The following BRINP1 variants were observed in gnomAD, a reference collection of about 807,000 sequenced individuals.
The protein encoded by BRINP1 is BMP/retinoic acid-inducible neural-specific protein 1.
Under a neutral mutation model 72.9 loss-of-function variants are expected in BRINP1, and 17 were observed. That is an observed-to-expected ratio of 0.23 (90% CI 0.16 to 0.35). The LOEUF (loss-of-function observed/expected upper bound fraction) is 0.35, where lower values mean the gene tolerates loss of function less well. BRINP1 is among the 10% of genes least tolerant of loss of function. BRINP1 has a pLI of 1.00. For synonymous variants in BRINP1, 418 were observed against 378.5 expected, an observed-to-expected ratio of 1.10 and a Z score of -1.21; for missense variants, 850 against 1,001.6, an observed-to-expected ratio of 0.85 and a Z score of 2.04.
chr9:119,257,973 G>A (rs1588180477), intron 2 of BRINP1, among the ~76,000 whole-genome samples: 1 of 152,042 alleles, frequency 6.6e-6, no homozygotes, highest in East Asian at 1.9e-4. Flanking sequence ...GAGGGGTGAA[G>A]TGAGGAAAAG....
intron 6 of BRINP1, among the ~76,000 whole-genome samples, chr9:119,213,224 C>T (rs1319241742): frequency 1.3e-5 from 2 of 152,160 alleles, no homozygotes; most frequent in Non-Finnish European, 2.9e-5. Flanking sequence ...TTTTTACAGA[C>T]GTATCCTTGA....
chr9:119,248,206 C>T (rs772011629), intron 3 of BRINP1, among the ~76,000 whole-genome samples: 6 of 152,184 alleles, frequency 3.9e-5, no homozygotes, highest in Non-Finnish European at 5.9e-5. Context: ...ATGCAGCCGG[C>T]GACTTTGTGA....
At position 119,166,930 on chromosome 9, in the gene BRINP1, G is replaced by T; in HGVS notation, c.*154C>A. The T allele has an allele frequency of 3.7e-6, 3 of 813,918 alleles. No individual in the cohort carries two copies. Among genetic ancestry groups the T allele is most frequent in the Non-Finnish European group, 5.8e-6 (3 of 519,130 alleles). The allele number at this position is 813,918 out of a possible 1,614,324, so 50.4% of individuals were successfully genotyped here. On this transcript the variant is annotated 3_prime_UTR_variant, in exon 8 of 8. Coordinates refer to ENST00000265922, the MANE Select transcript of BRINP1 (RefSeq NM_014618.3). ...AACGCTTTTATACAGTTGCTAGAAC[G>T]TTTTCATTTCCAACAAATGAAGATT...
chr9:119,196,103 T>C (rs769515149), intron 7 of BRINP1, among the ~76,000 whole-genome samples: 2 of 152,222 alleles, frequency 1.3e-5, no homozygotes, highest in Non-Finnish European at 2.9e-5. Context: ...GGGGAACTCA[T>C]TTTTGCTTAG....
intron 2 of BRINP1, among the ~76,000 whole-genome samples, chr9:119,301,396 G>C (rs1417716553): frequency 1.3e-5 from 2 of 152,128 alleles, no homozygotes; most frequent in African/African-American, 4.8e-5. Flanking sequence ...CAAATACTGA[G>C]TCTTCTGTCT....
chr9:119,211,301 G>A (rs965783829), intron 6 of BRINP1, among the ~76,000 whole-genome samples: 1 of 152,096 alleles, frequency 6.6e-6, no homozygotes, highest in Non-Finnish European at 1.5e-5. Flanking sequence ...AGGTTCAAGC[G>A]ATTCTCCTGC....
At chr9:119,283,556 T>C (rs939192551) in intron 2 of BRINP1, among the ~76,000 whole-genome samples, 2 of 152,110 alleles carry the variant, frequency 1.3e-5, no homozygotes, top group African/African-American at 4.8e-5. Flanking sequence ...TTTGACAGAG[T>C]CTCGCTCTGT....
At chr9:119,172,060 A>C (rs1829417942) in intron 7 of BRINP1, among the ~76,000 whole-genome samples, 1 of 143,120 alleles carries the variant, frequency 7.0e-6, no homozygotes, top group South Asian at 2.3e-4. Context: ...CCCTAACATC[A>C]CAATTAAAAG....
At position 119,168,008 on chromosome 9, in the gene BRINP1, G is replaced by A; in HGVS notation, c.1362C>T (p.Tyr454=). The A allele has an allele frequency of 6.2e-7, 1 of 1,613,848 alleles. No individual in the cohort carries two copies. The highest frequency in any genetic ancestry group is 1.1e-5 in the South Asian group (1 of 91,082). Residue 454 remains tyrosine (Y), a synonymous_variant, in exon 8 of 8, where the codon TAC becomes TAT. Transcript: ENST00000265922. ...GTTCACAGCGGCCTCGATACAGCTT[G>A]TAGCCCTTGTTGCAGGAGCCGCAGA... is the stretch of plus-strand genomic sequence containing the variant. ...ISLCGSCNKG[Y]KLYRGRCEPQ... is the part of the protein sequence containing the mutation.
At chr9:119,175,076 C>A (rs1436398212) in intron 7 of BRINP1, among the ~76,000 whole-genome samples, 2 of 140,530 alleles carry the variant, frequency 1.4e-5, no homozygotes, top group Non-Finnish European at 3.0e-5. Flanking sequence ...ATGTAACTAA[C>A]CTGCACAATG....
At chr9:119,169,445 C>T (rs997225626) in intron 7 of BRINP1, among the ~76,000 whole-genome samples, 5 of 152,214 alleles carry the variant, frequency 3.3e-5, no homozygotes, top group Admixed American at 6.5e-5. Flanking sequence ...CGGCGCACCG[C>T]GAGATTATAT....
chr9:119,349,516 T>C (rs765596781), intron 1 of BRINP1, among the ~76,000 whole-genome samples: 23 of 152,300 alleles, frequency 1.5e-4, no homozygotes, highest in Non-Finnish European at 2.4e-4. Context: ...GAAGATGGAT[T>C]GGTGCGGTAC....
chr9:119,346,557 C>T (rs1388586772), intron 1 of BRINP1, among the ~76,000 whole-genome samples: 1 of 152,050 alleles, frequency 6.6e-6, no homozygotes, highest in Non-Finnish European at 1.5e-5. Context: ...TTTAGACCAG[C>T]ACTTAAGAGC....
chr9:119,184,081 AG>A (rs71506208), intron 7 of BRINP1, among the ~76,000 whole-genome samples: 2 of 152,092 alleles, frequency 1.3e-5, no homozygotes, highest in Admixed American at 6.5e-5. Context: ...TCCGAGCCAC[AG>A]GGGGGGAGAA....
chr9:119,173,290 G>A (rs1273537016), intron 7 of BRINP1, among the ~76,000 whole-genome samples: 3 of 149,626 alleles, frequency 2.0e-5, no homozygotes, highest in African/African-American at 5.0e-5. Context: ...AAAGTCTCAG[G>A]ATACAAAATC....
chr9:119,285,793 C>A (rs1830755741), intron 2 of BRINP1, among the ~76,000 whole-genome samples: 2 of 152,094 alleles, frequency 1.3e-5, no homozygotes, highest in African/African-American at 4.8e-5. Flanking sequence ...TATCTGGTAT[C>A]ATTCAGGAAG....
intron 6 of BRINP1, among the ~76,000 whole-genome samples, chr9:119,211,485 C>A (rs541684504): frequency 6.6e-6 from 1 of 152,362 alleles, no homozygotes; most frequent in East Asian, 1.9e-4. Context: ...GCATGAGCCA[C>A]TGCACCTGGC....
At chr9:119,309,977 A>G in intron 2 of BRINP1, among the ~76,000 whole-genome samples, 1 of 152,316 alleles carries the variant, frequency 6.6e-6, no homozygotes, top group South Asian at 2.1e-4. Context: ...TCCCAGGATG[A>G]GAAAGCTGGA....
At chr9:119,336,430 C>T (rs1046367568) in intron 1 of BRINP1, among the ~76,000 whole-genome samples, 6 of 151,990 alleles carry the variant, frequency 3.9e-5, no homozygotes, top group Non-Finnish European at 5.9e-5. Flanking sequence ...TTCCCAAATT[C>T]GGCTTCTCAT....
Sources: gnomAD v4.1 joint callset for allele counts (sites outside exome capture counted in the v4.1 genomes callset) on GRCh38, gnomAD v4.1.1 for gene constraint, MANE v1.5 for transcripts, NCBI Gene and HGNC (gene_info 2026-07-23, HGNC 2026-07-21) for gene names.